KCNQ4: variants seen among roughly 807,000 people sequenced by gnomAD.
The protein encoded by KCNQ4 is potassium voltage-gated channel subfamily Q member 4.
Under a neutral mutation model 72.6 loss-of-function variants are expected in KCNQ4, and 31 were observed. That is an observed-to-expected ratio of 0.43 (90% CI 0.32 to 0.58). The LOEUF (loss-of-function observed/expected upper bound fraction) is 0.58. KCNQ4 is among the 20% of genes least tolerant of loss of function. The pLI is 0.08. For missense variants in KCNQ4, 869 were observed against 962.6 expected, an observed-to-expected ratio of 0.90 and a Z score of 1.29; for synonymous variants, 405 against 403.7, an observed-to-expected ratio of 1.00 and a Z score of -0.04.
At chr1:40,819,318 C>T in intron 4 of KCNQ4, 29 bp from the exon 5 acceptor site, 2 of 1,613,176 alleles carry the variant, frequency 1.2e-6, no homozygotes, top group South Asian at 1.1e-5. Context: ...CACAGCGCTC[C>T]TCACCGCGCC....
chr1:40,791,107 A>C (rs909046048), intron 1 of KCNQ4, among the ~76,000 whole-genome samples: 1 of 152,106 alleles, frequency 6.6e-6, no homozygotes, highest in Non-Finnish European at 1.5e-5. Flanking sequence ...ATGGAGAATG[A>C]GGGCAGGGAA....
At chr1:40,812,516 G>C (rs377130794) in intron 1 of KCNQ4, among the ~76,000 whole-genome samples, 144 of 152,214 alleles carry the variant, frequency 9.5e-4, no homozygotes, top group African/African-American at 3.2e-3. Context: ...TCCCACCTTG[G>C]ACTCCCAAAT....
At position 40,835,397 on chromosome 1, in the gene KCNQ4, A is replaced by G. The variant is rs796125194; in HGVS notation, c.1745+299A>G. ...ACTGTTTCCTGGTCCTAAAATAATC[A>G]GCCTAAAATAATCACTGACCTCCCA... On this transcript the variant is annotated intron_variant, in intron 12 of 13. Coordinates refer to ENST00000347132, the MANE Select transcript of KCNQ4 (RefSeq NM_004700.4). Among the ~76,000 whole-genome samples the G allele has an allele frequency of 1.2e-4, 19 of 152,312 alleles. 1 individual carries two copies. The highest frequency in any genetic ancestry group is 4.6e-4 in the African/African-American group (19 of 41,562).
chr1:40,830,163 A>G (rs905573293), intron 9 of KCNQ4, among the ~76,000 whole-genome samples: 1 of 152,182 alleles, frequency 6.6e-6, no homozygotes, highest in African/African-American at 2.4e-5. Context: ...CCAAGACCAC[A>G]CAGGCAGGAT....
Position 40,817,420 on chromosome 1 carries a change from G to A in KCNQ4, c.405+65G>A, listed in dbSNP as rs1024240182. The A allele has an allele frequency of 4.9e-6, 6 of 1,215,114 alleles. No homozygotes were observed. The highest frequency in any genetic ancestry group is 7.1e-6 in the Non-Finnish European group (6 of 841,864). The allele number at this position is 1,215,114 out of a possible 1,614,324, so 75.3% of individuals were successfully genotyped here. A position where few individuals can be genotyped will look rare whatever the true frequency, so the allele number is the denominator to read the frequency against. ...GGTAGCACCTCTGGGCTGGGAGTCC[G>A]GGACTGAGGGGGGCTGTGTGAGGTA... is the stretch of plus-strand genomic sequence containing the variant. On this transcript the variant is annotated intron_variant, in intron 2 of 13. Transcript: ENST00000347132. The surrounding 1 kb of genome is among the most constrained non-coding windows in gnomAD (Gnocchi z 5.5).
intron 1 of KCNQ4, among the ~76,000 whole-genome samples, chr1:40,814,140 G>A (rs763555208): frequency 7.7e-6 from 1 of 129,680 alleles, no homozygotes. Context: ...TGCAACCTCC[G>A]CCTCCCAAGT....
intron 1 of KCNQ4, among the ~76,000 whole-genome samples, chr1:40,792,227 A>C (rs1246898388): frequency 6.6e-6 from 1 of 152,118 alleles, no homozygotes; most frequent in Non-Finnish European, 1.5e-5. Context: ...AGGGAGAGAA[A>C]GGAAAAGCAG....
intron 1 of KCNQ4, among the ~76,000 whole-genome samples, chr1:40,811,007 A>C (rs1198745170): frequency 1.3e-5 from 2 of 152,318 alleles, no homozygotes; most frequent in African/African-American, 4.8e-5. Context: ...TAAAGTGTTC[A>C]GTTCAGAGGA....
intron 1 of KCNQ4, among the ~76,000 whole-genome samples, chr1:40,803,404 C>T (rs571235012): frequency 6.6e-6 from 1 of 152,368 alleles, no homozygotes; most frequent in Admixed American, 6.5e-5. Context: ...ACCGACCCAG[C>T]TTTCTAGCTG....
chr1:40,831,139 G>A lies in KCNQ4; in HGVS notation c.1348G>A (p.Gly450Ser), dbSNP rs1270002554. 1.2e-6 allele frequency: 2 copies of A among 1,610,814 alleles called. No individual in the cohort carries two copies. Among genetic ancestry groups the A allele is most frequent in the Non-Finnish European group, 1.7e-6 (2 of 1,178,912 alleles). ...CATGGGCAGCTCCCAGCGGCGGACG[G>A]GTCCTTCCAAGCAGCATCTGGCACC... Reference protein sequence around the residue: ...IRMGSSQRRTGPSKQHLAPPT... With the variant: ...IRMGSSQRRTSPSKQHLAPPT... The change falls in exon 10 of 14, where the codon GGT becomes AGT. Residue 450 changes from glycine to serine, a missense_variant. Around this residue, in one of 5 missense-constraint regions of KCNQ4, gnomAD observed 480 missense variants for 501.9 expected, o/e 0.96. Coordinates refer to ENST00000347132, the MANE Select transcript of KCNQ4 (RefSeq NM_004700.4).
At chr1:40,795,991 G>A (rs933513086) in intron 1 of KCNQ4, among the ~76,000 whole-genome samples, 22 of 152,302 alleles carry the variant, frequency 1.4e-4, no homozygotes, top group Middle Eastern at 3.4e-3. Flanking sequence ...GATGGAAGAT[G>A]ACACTGAAGC....
intron 12 of KCNQ4, 81 bp downstream of exon 12, chr1:40,835,179 G>A (rs942632440): frequency 7.8e-6 from 12 of 1,543,472 alleles, no homozygotes; most frequent in African/African-American, 5.5e-5. Flanking sequence ...GCCAACCCCC[G>A]AGCACCCCCA....
chr1:40,819,415 T>C lies in KCNQ4; in HGVS notation c.777T>C (p.Ala259=), dbSNP rs4660468. The change falls in exon 5 of 14, where the codon GCT becomes GCC. Residue 259 remains alanine (A), a synonymous_variant. Transcript: ENST00000347132. ...LIFASFLVYL[A]EKDANSDFSS... ...TCGCCTCCTTCCTGGTCTACCTGGC[T>C]GAGAAGGACGCCAACTCCGACTTCT... 1,116,302 of 1,613,444 alleles carry C rather than the reference T, an allele frequency of 0.69. 391,549 individuals carry two copies. Among genetic ancestry groups the C allele is most frequent in the Non-Finnish European group, 0.73 (858,072 of 1,179,830 alleles).
At chr1:40,805,620 A>G (rs1214360103) in intron 1 of KCNQ4, among the ~76,000 whole-genome samples, 2 of 138,870 alleles carry the variant, frequency 1.4e-5, no homozygotes, top group African/African-American at 5.3e-5. Flanking sequence ...CAGACACAGC[A>G]TGAGTAAAGG....
chr1:40,806,360 G>A (rs1186051335), intron 1 of KCNQ4, among the ~76,000 whole-genome samples: 3 of 152,186 alleles, frequency 2.0e-5, no homozygotes, highest in Non-Finnish European at 2.9e-5. Flanking sequence ...GCTCTGTCTG[G>A]CCAGTCCCAA....
Position 40,817,348 on chromosome 1 carries a change from T to C in KCNQ4, c.398T>C (p.Leu133Pro). The C allele has an allele frequency of 1.2e-6, 2 of 1,613,186 alleles. No homozygotes were observed. The highest frequency in any genetic ancestry group is 8.5e-7 in the Non-Finnish European group (1 of 1,179,520). ...EHQELANECL[L>P]ILEFVMIVVF... ...CAGGAACTTGCCAACGAGTGTCTCC[T>C]CATCTTGGTAAGTGCTGGGAGTCCG... The change falls in exon 2 of 14, where the codon CTC (leucine) becomes CCC (proline). Residue 133 changes from leucine to proline, a missense_variant. Transcript: ENST00000347132. This position sits in a 1 kb window ranked among gnomAD's most constrained non-coding sequence, Gnocchi z 5.5.
chr1:40,831,290 G>T lies in KCNQ4; in HGVS notation c.1499G>T (p.Arg500Leu). Reference protein sequence around the residue: ...RFRASLRLKPRTSAEDAPSEE... With the variant: ...RFRASLRLKPLTSAEDAPSEE... The stretch of plus-strand genomic sequence containing the variant: ...CGGGCATCTCTGAGACTCAAACCCC[G>T]CACCTCTGCTGAGGGTAAGCCCCCG... Residue 500 changes from arginine (R) to leucine (L), a missense_variant, in exon 10 of 14, where the codon CGC becomes CTC. Transcript: ENST00000347132. The T allele has an allele frequency of 5.0e-6, 8 of 1,600,056 alleles. No homozygotes were observed. The highest frequency in any genetic ancestry group is 6.0e-6 in the Non-Finnish European group (7 of 1,173,494).
rs777816150 is a variant in KCNQ4 at position 40,784,128 on chromosome 1, G to A, written c.35G>A (p.Gly12Asp). The change falls in exon 1 of 14, where the codon GGT becomes GAT. Residue 12 changes from glycine to aspartate, a missense_variant. Gly to Asp is a moderately conservative substitution (Grantham distance 94). This residue lies in a region of KCNQ4 where 178 missense variants were observed against 145.3 expected (regional missense o/e 1.22). Transcript: ENST00000347132. This position sits in a 1 kb window ranked among gnomAD's most constrained non-coding sequence, Gnocchi z 4.1. The stretch of plus-strand genomic sequence containing the variant: ...GCCCCCCCGCGCCGCCTCGGCCTGG[G>A]TCCCCCGCCCGGGGACGCCCCCCGC... Reference protein sequence around the residue: ...AEAPPRRLGLGPPPGDAPRAE... With the variant: ...AEAPPRRLGLDPPPGDAPRAE... The A allele has an allele frequency of 5.4e-6, 5 of 917,852 alleles. No homozygotes were observed. In the South Asian group the frequency reaches 1.9e-4, roughly 35 times the overall value. 56.9% of individuals were successfully genotyped at this position (917,852 alleles called of 1,614,324 possible). A position where few individuals can be genotyped will look rare whatever the true frequency, so the allele number is the denominator to read the frequency against.
intron 11 of KCNQ4, 62 bp from the exon 12 acceptor site, chr1:40,834,905 G>A (rs886893776): frequency 1.9e-6 from 3 of 1,601,768 alleles, no homozygotes; most frequent in Non-Finnish European, 2.6e-6. Context: ...GAGATGGAGA[G>A]GGTGCTGGGA....
Sources: gnomAD v4.1 joint callset for allele counts (sites outside exome capture counted in the v4.1 genomes callset) on GRCh38, gnomAD v4.1.1 for gene constraint, gnomAD v4.1.1 regional missense constraint, Gnocchi (gnomAD v3.1) non-coding constraint, MANE v1.5 for transcripts, NCBI Gene and HGNC (gene_info 2026-07-23, HGNC 2026-07-21) for gene names.